The following MBNL1 variants were observed in gnomAD, a reference collection of about 807,000 sequenced individuals.
The protein encoded by MBNL1 is muscleblind like splicing regulator 1.
A neutral mutation model predicts 42.2 loss-of-function variants in MBNL1; 8 were observed. The ratio of observed to expected loss-of-function variants is 0.19; its 90% CI spans 0.11 to 0.34. The LOEUF (loss-of-function observed/expected upper bound fraction) is 0.34. Ranked by LOEUF, MBNL1 falls within the 10% of genes least tolerant of loss-of-function variation. The pLI is 1.00. For synonymous variants in MBNL1, 169 were observed against 173.9 expected (o/e 0.97, Z 0.22); for missense variants, 309 against 495.3 (o/e 0.62, Z 3.57).
chr3:152,439,933 T>A (rs2099124840), intron 4 of MBNL1, among the ~76,000 whole-genome samples: 1 of 152,236 alleles, frequency 6.6e-6, no homozygotes, highest in Admixed American at 6.5e-5. Flanking sequence ...TTCAAAGTTG[T>A]GTCTATTTTC....
chr3:152,384,529 C>T (rs1417615944), intron 2 of MBNL1, among the ~76,000 whole-genome samples: 1 of 152,004 alleles, frequency 6.6e-6, no homozygotes, highest in Non-Finnish European at 1.5e-5. Flanking sequence ...AATGACAATA[C>T]TATAGAACAA....
chr3:152,421,528 G>A (rs2098804639), intron 3 of MBNL1, among the ~76,000 whole-genome samples: 1 of 152,204 alleles, frequency 6.6e-6, no homozygotes, highest in Non-Finnish European at 1.5e-5. Context: ...TCCCCAAACA[G>A]TGTAAACAAA....
At chr3:152,335,000 A>G (rs1023254396) in intron 2 of MBNL1, 1 of 951,512 alleles carries the variant, frequency 1.1e-6, no homozygotes, top group African/African-American at 1.7e-5. Flanking sequence ...GCATCCTGCA[A>G]GGAGATGGGT....
chr3:152,273,175 A>G (rs1184520992), intron 1 of MBNL1, among the ~76,000 whole-genome samples: 3 of 152,200 alleles, frequency 2.0e-5, no homozygotes, highest in Non-Finnish European at 2.9e-5. Flanking sequence ...CATGGAGCAT[A>G]TTCACTAATG....
At chr3:152,253,451 T>C (rs1412935067) in intron 2 of MBNL1, among the ~76,000 whole-genome samples, 6 of 152,158 alleles carry the variant, frequency 3.9e-5, no homozygotes, top group Admixed American at 2.6e-4. Context: ...TGTGTTAGCC[T>C]ATTAAGAAAC....
intron 2 of MBNL1, among the ~76,000 whole-genome samples, chr3:152,333,156 A>G (rs1578132613): frequency 1.3e-5 from 2 of 152,200 alleles, no homozygotes; most frequent in Admixed American, 1.3e-4. Context: ...ATTGGCAACA[A>G]TGGTAATCCC....
rs746915266 is a variant in MBNL1, at chr3:152,465,204, A to T, written c.*2838A>T. ...ACTACTGCATGTTTAAAACTTCAACAAAAAAAGAGAGAAAGAACTATACTA... is the reference window on the plus strand; with the variant it reads ...ACTACTGCATGTTTAAAACTTCAACTAAAAAAGAGAGAAAGAACTATACTA... On this transcript the variant is annotated 3_prime_UTR_variant, in exon 10 of 10. Transcript: ENST00000324210. The T allele has an allele frequency of 6.6e-6, 1 of 152,158 alleles. No homozygotes were observed. The highest frequency in any genetic ancestry group is 2.4e-5 in the African/African-American group (1 of 41,418). 9.4% of individuals were successfully genotyped at this position (152,158 alleles called of 1,614,324 possible). A position where few individuals can be genotyped will look rare whatever the true frequency, so the allele number is the denominator to read the frequency against.
chr3:152,396,909 A>T (rs561958499), intron 2 of MBNL1, among the ~76,000 whole-genome samples: 1 of 152,170 alleles, frequency 6.6e-6, no homozygotes, highest in Non-Finnish European at 1.5e-5. Context: ...TCCATGGTGG[A>T]CCCATAGAAA....
chr3:152,272,190 C>T (rs2042324854), intron 1 of MBNL1, among the ~76,000 whole-genome samples: 1 of 151,964 alleles, frequency 6.6e-6, no homozygotes, highest in Admixed American at 6.6e-5. Flanking sequence ...TTTTGCTGGT[C>T]AAAACAATAA....
intron 4 of MBNL1, among the ~76,000 whole-genome samples, chr3:152,436,242 A>T (rs2099076418): frequency 6.6e-6 from 1 of 152,218 alleles, no homozygotes; most frequent in Non-Finnish European, 1.5e-5. Context: ...ATCATATACC[A>T]GACACATGCA....
intron 2 of MBNL1, among the ~76,000 whole-genome samples, chr3:152,330,482 G>A (rs1439567370): frequency 6.6e-6 from 1 of 152,096 alleles, no homozygotes; most frequent in Non-Finnish European, 1.5e-5. Context: ...TTTCATTTAG[G>A]TGCAGAAAAT....
At chr3:152,438,099 A>G (rs1580478006) in intron 4 of MBNL1, among the ~76,000 whole-genome samples, 1 of 152,234 alleles carries the variant, frequency 6.6e-6, no homozygotes, top group Non-Finnish European at 1.5e-5. Flanking sequence ...AGAGTTAGTA[A>G]TTGGAGAAAT....
chr3:152,427,094 T>C (rs2098942935), intron 3 of MBNL1, among the ~76,000 whole-genome samples: 1 of 152,264 alleles, frequency 6.6e-6, no homozygotes, highest in Non-Finnish European at 1.5e-5. Context: ...TCAGTTTCTC[T>C]GAGTAGTCTT....
intron 3 of MBNL1, among the ~76,000 whole-genome samples, chr3:152,424,379 C>T (rs114435883): frequency 4.6e-5 from 7 of 151,978 alleles, no homozygotes; most frequent in African/African-American, 1.4e-4. Flanking sequence ...ATATGAAGGA[C>T]CTCTTCAGGG....
chr3:152,414,357 C>G (rs772042783), intron 2 of MBNL1, among the ~76,000 whole-genome samples: 4 of 152,148 alleles, frequency 2.6e-5, no homozygotes, highest in African/African-American at 4.8e-5. Flanking sequence ...TTATTAATCT[C>G]TATATACAGT....
intron 2 of MBNL1, among the ~76,000 whole-genome samples, chr3:152,361,141 T>C (rs923130682): frequency 6.6e-6 from 1 of 152,072 alleles, no homozygotes; most frequent in Non-Finnish European, 1.5e-5. Flanking sequence ...CATCACTGAT[T>C]CATCATTGAT....
chr3:152,400,158 T>C (rs919668074), intron 2 of MBNL1, among the ~76,000 whole-genome samples: 4 of 152,230 alleles, frequency 2.6e-5, no homozygotes, highest in African/African-American at 9.6e-5. Context: ...TGAGAGTTAA[T>C]GGTAGACGTT....
At chr3:152,269,491 C>A in intron 1 of MBNL1, 1 of 454,834 alleles carries the variant, frequency 2.2e-6, no homozygotes, top group South Asian at 1.6e-5. Flanking sequence ...CGCGGGTCTT[C>A]CCGGCGGCTC....
chr3:152,429,369 CTTTG>C, intron 3 of MBNL1, among the ~76,000 whole-genome samples: 1 of 152,276 alleles, frequency 6.6e-6, no homozygotes, highest in East Asian at 1.9e-4. Flanking sequence ...TAAGTTTGTA[CTTTG>C]TTTTTCTCTG....
Sources: allele counts gnomAD v4.1 joint callset (sites outside exome capture counted in the v4.1 genomes callset), GRCh38; gene constraint gnomAD v4.1.1; transcripts MANE v1.5; gene names NCBI Gene and HGNC (gene_info 2026-07-23, HGNC 2026-07-21).